Variants in ANKRD11 observed in about 807,000 individuals in gnomAD.
The protein encoded by ANKRD11 is ankyrin repeat domain-containing protein 11.
Under a neutral mutation model 195.7 loss-of-function variants are expected in ANKRD11, and 17 were observed. That is an observed-to-expected ratio of 0.09 (90% CI 0.06 to 0.13). The LOEUF (loss-of-function observed/expected upper bound fraction) is 0.13, where lower values mean the gene tolerates loss of function less well. Among genes scored for constraint, ANKRD11 ranks in the 10% least tolerant of loss-of-function variants. The pLI is 1.00. For synonymous variants in ANKRD11, 1,953 were observed against 1,528.1 expected (o/e 1.28, Z -6.49); for missense variants, 3,735 against 3,566.1 (o/e 1.05, Z -1.21).
In ANKRD11 at chr16:89,291,759, G is replaced by C; in HGVS notation, c.227-576C>G. 1 of 1,289,818 alleles carries C rather than the reference G, an allele frequency of 7.8e-7. No homozygotes were observed. Among genetic ancestry groups the C allele is most frequent in the Non-Finnish European group, 1.0e-6 (1 of 988,874 alleles). The allele number at this position is 1,289,818 out of a possible 1,614,324, so 79.9% of individuals were successfully genotyped here. A position where few individuals can be genotyped will look rare whatever the true frequency, so the allele number is the denominator to read the frequency against. ...GTACCAGCCTTGCAGCACCACAACAGGGACTGGGCTGGAGGCATCTGAAGG... is the reference window on the plus strand; with the variant it reads ...GTACCAGCCTTGCAGCACCACAACACGGACTGGGCTGGAGGCATCTGAAGG... On this transcript the variant is annotated intron_variant, in intron 4 of 12. Coordinates refer to ENST00000301030, the MANE Select transcript of ANKRD11 (RefSeq NM_013275.6). This position sits in a 1 kb window ranked among gnomAD's most constrained non-coding sequence, Gnocchi z 5.3.
chr16:89,358,999 A>G (rs548083376), intron 2 of ANKRD11, among the ~76,000 whole-genome samples: 1 of 152,126 alleles, frequency 6.6e-6, no homozygotes, highest in South Asian at 2.1e-4. Flanking sequence ...CTAATTTTCT[A>G]TTTTTTGTAA....
At chr16:89,466,350 G>C (rs981822069) in intron 1 of ANKRD11, among the ~76,000 whole-genome samples, 1 of 152,180 alleles carries the variant, frequency 6.6e-6, no homozygotes, top group Non-Finnish European at 1.5e-5. Flanking sequence ...AAGGGGGAAG[G>C]GGGACAAGGA....
At chr16:89,453,187 G>C (rs1430806204) in intron 1 of ANKRD11, among the ~76,000 whole-genome samples, 1 of 151,826 alleles carries the variant, frequency 6.6e-6, no homozygotes, top group African/African-American at 2.4e-5. Context: ...TGTTTTTATT[G>C]CCCTGCCCTT....
At chr16:89,300,032 G>C in intron 4 of ANKRD11, 1 of 191,120 alleles carries the variant, frequency 5.2e-6, no homozygotes, top group South Asian at 5.1e-5. Context: ...TGGGATGCGT[G>C]GGGTCTGTGC....
In ANKRD11 at chr16:89,415,932, C is replaced by T. The variant is rs904913166; in HGVS notation, c.-60+2352G>A. ...TCACGGCGCCTCTGGTCACACTGCG[C>T]CCAACCTCTGCTCAGCAGGGCCTCT... On this transcript the variant is annotated intron_variant, in intron 2 of 12. Coordinates refer to ENST00000301030, the MANE Select transcript of ANKRD11 (RefSeq NM_013275.6). Among the ~76,000 whole-genome samples the T allele has an allele frequency of 3.3e-5, 5 of 151,858 alleles. No individual in the cohort carries two copies. The South Asian group carries it at 8.4e-4, about 25-fold the overall frequency.
At chr16:89,410,577 T>C (rs2042075621) in intron 2 of ANKRD11, among the ~76,000 whole-genome samples, 1 of 152,208 alleles carries the variant, frequency 6.6e-6, no homozygotes, top group Admixed American at 6.5e-5. Flanking sequence ...GCTCTGGTTC[T>C]GCCCTCCAGA....
At chr16:89,369,835 C>A (rs1364568925) in intron 2 of ANKRD11, among the ~76,000 whole-genome samples, 1 of 152,220 alleles carries the variant, frequency 6.6e-6, no homozygotes, top group Non-Finnish European at 1.5e-5. Context: ...AATGCCACCA[C>A]TGGGGAAGCT....
At chr16:89,274,493 G>A (rs1043681733) in intron 11 of ANKRD11, among the ~76,000 whole-genome samples, 3 of 152,170 alleles carry the variant, frequency 2.0e-5, no homozygotes, top group East Asian at 1.9e-4. Context: ...TAATGCCAGC[G>A]CTGACACCCG....
chr16:89,335,055 T>C (rs972485856), intron 2 of ANKRD11, among the ~76,000 whole-genome samples: 1 of 152,148 alleles, frequency 6.6e-6, no homozygotes, highest in African/African-American at 2.4e-5. Flanking sequence ...CCACGGATGT[T>C]ATACCGCAAA....
intron 2 of ANKRD11, among the ~76,000 whole-genome samples, chr16:89,364,686 A>G (rs745307172): frequency 1.3e-5 from 2 of 152,258 alleles, no homozygotes; most frequent in Non-Finnish European, 2.9e-5. Context: ...TAACGTTTAC[A>G]AATTTGTGTT....
chr16:89,486,684 C>T (rs756894221), intron 1 of ANKRD11, among the ~76,000 whole-genome samples: 11 of 152,226 alleles, frequency 7.2e-5, no homozygotes, highest in Admixed American at 2.0e-4. Context: ...AGTTAGGCCA[C>T]AGTCACCATT....
intron 2 of ANKRD11, among the ~76,000 whole-genome samples, chr16:89,378,380 T>G (rs1381119395): frequency 6.6e-6 from 1 of 152,240 alleles, no homozygotes; most frequent in East Asian, 1.9e-4. Flanking sequence ...ACATATATAA[T>G]GATTTCATCA....
chr16:89,333,786 T>C (rs1291438805), intron 2 of ANKRD11, among the ~76,000 whole-genome samples: 2 of 152,208 alleles, frequency 1.3e-5, no homozygotes, highest in African/African-American at 4.8e-5. Context: ...AAAGCCATTT[T>C]GTGAAAGTGA....
intron 1 of ANKRD11, among the ~76,000 whole-genome samples, chr16:89,425,833 G>A (rs2152254546): frequency 6.6e-6 from 1 of 152,262 alleles, no homozygotes; most frequent in Admixed American, 6.5e-5. Flanking sequence ...GGAACTAGAA[G>A]GAAAACCAGG....
At chr16:89,464,108 G>A (rs538521065) in intron 1 of ANKRD11, among the ~76,000 whole-genome samples, 19 of 151,804 alleles carry the variant, frequency 1.3e-4, no homozygotes, top group African/African-American at 3.9e-4. Flanking sequence ...GCATGGTGGC[G>A]GGCGCCTGTA....
At position 89,285,613 on chromosome 16, in the gene ANKRD11, G is replaced by A. The variant is rs770269691; in HGVS notation, c.929C>T (p.Pro310Leu). The A allele has an allele frequency of 4.3e-6, 7 of 1,614,186 alleles. No individual in the cohort carries two copies. The highest frequency in any genetic ancestry group is 3.4e-6 in the Non-Finnish European group (4 of 1,180,040). The change falls in exon 9 of 13, where the codon CCT becomes CTT. Residue 310 changes from proline (P) to leucine (L), a missense_variant. By Grantham distance (98) the Pro-to-Leu change is moderately conservative. Transcript: ENST00000301030. The surrounding 1 kb of genome is among the most constrained non-coding windows in gnomAD (Gnocchi z 5.6). ...GTTGTTGCCGTCGACTGAACTGGAA[G>A]GTGCGAAGGATGGTGCGTCTTCCTC... ...SEEEDAPSFA[P>L]SSSVDGNNTD... is the part of the protein sequence containing the mutation.
intron 2 of ANKRD11, among the ~76,000 whole-genome samples, chr16:89,377,678 C>G (rs1005538465): frequency 6.6e-6 from 1 of 152,132 alleles, no homozygotes; most frequent in Non-Finnish European, 1.5e-5. Flanking sequence ...GGGGTTCCCA[C>G]GACTCCCACC....
chr16:89,276,218 C>T (rs764834068), intron 9 of ANKRD11, among the ~76,000 whole-genome samples: 17 of 152,154 alleles, frequency 1.1e-4, no homozygotes, highest in Non-Finnish European at 2.2e-4. Context: ...CTGGCGATGC[C>T]GGGCACCTGC....
chr16:89,394,622 C>G (rs564201683), intron 2 of ANKRD11, among the ~76,000 whole-genome samples: 1 of 125,364 alleles, frequency 8.0e-6, no homozygotes, highest in South Asian at 2.6e-4. Context: ...AAGCAAAACT[C>G]TGTCTCCAAA....
Sources: allele counts gnomAD v4.1 joint callset (sites outside exome capture counted in the v4.1 genomes callset), GRCh38; gene constraint gnomAD v4.1.1; non-coding constraint Gnocchi (gnomAD v3.1); transcripts MANE v1.5; gene names NCBI Gene and HGNC (gene_info 2026-07-23, HGNC 2026-07-21).